NPHP4: variants seen among roughly 807,000 people sequenced by gnomAD.
The protein encoded by NPHP4 is nephrocystin-4.
In NPHP4, 151 loss-of-function variants were observed where a neutral mutation model predicts 155.8. The ratio of observed to expected loss-of-function variants is 0.97; its 90% CI spans 0.85 to 1.11. NPHP4 has a LOEUF of 1.11. Ranked by LOEUF, NPHP4 falls within the 50% of genes least tolerant of loss-of-function variation. The pLI, the probability that NPHP4 is intolerant of heterozygous loss-of-function variation, is 0.00. For synonymous variants in NPHP4, 845 were observed against 816.8 expected (o/e 1.03, Z -0.59); for missense variants, 1,956 against 1,925.7 (o/e 1.02, Z -0.29).
intron 9 of NPHP4, among the ~76,000 whole-genome samples, chr1:5,934,205 C>A (rs956870634): frequency 6.6e-6 from 1 of 152,150 alleles, no homozygotes; most frequent in South Asian, 2.1e-4. Context: ...ATCCTGCAGG[C>A]TCCCCTGGTG....
chr1:5,969,145 T>A lies in NPHP4; in HGVS notation c.394A>T (p.Ile132Phe), dbSNP rs745735818. The part of the protein sequence containing the change: ...SLQTLSCGFG[I>F]LRIFSNQPDS... ...GGCTGGTTGCTGAAGATCCGAAGAA[T>A]TCCAAACCCACAGGACAATGTCTGG... Residue 132 changes from isoleucine (I) to phenylalanine (F), a missense_variant, in exon 4 of 30, where the codon ATT becomes TTT. Ile to Phe is a conservative substitution (Grantham distance 21). Coordinates refer to ENST00000378156, the MANE Select transcript of NPHP4 (RefSeq NM_015102.5). The A allele has an allele frequency of 2.0e-5, 31 of 1,553,118 alleles. No homozygotes were observed. The highest frequency in any genetic ancestry group is 2.6e-5 in the Non-Finnish European group (30 of 1,147,710).
chr1:5,915,598 AG>A (rs1348915224), intron 11 of NPHP4, among the ~76,000 whole-genome samples: 1 of 152,146 alleles, frequency 6.6e-6, no homozygotes, highest in Non-Finnish European at 1.5e-5. Context: ...TCCAGATCCC[AG>A]GCAGCCCAGG....
At chr1:5,909,083 G>T in intron 12 of NPHP4, 69 bp downstream of exon 12, 2 of 1,282,846 alleles carry the variant, frequency 1.6e-6, no homozygotes, top group East Asian at 2.5e-5. Flanking sequence ...CTTAAGGGGG[G>T]ACAGAGGGTT....
intron 19 of NPHP4, among the ~76,000 whole-genome samples, chr1:5,878,591 A>AGG (rs950034094): frequency 4.6e-5 from 7 of 152,254 alleles, no homozygotes; most frequent in African/African-American, 1.4e-4. Flanking sequence ...ATTTCGTGCA[A>AGG]CTTGCTAATT....
intron 9 of NPHP4, among the ~76,000 whole-genome samples, chr1:5,937,687 G>A (rs1646617432): frequency 6.6e-6 from 1 of 152,238 alleles, no homozygotes; most frequent in South Asian, 2.1e-4. Context: ...TCCAGATAGA[G>A]AGCTGGGCCC....
At chr1:5,967,187 T>G (rs1372257388) in intron 5 of NPHP4, 112 bp downstream of exon 5, 16 of 826,310 alleles carry the variant, frequency 1.9e-5, no homozygotes, top group Non-Finnish European at 3.1e-5. Context: ...ATAAATTAGC[T>G]AAGCAGATAG....
intron 5 of NPHP4, among the ~76,000 whole-genome samples, chr1:5,962,848 G>A (rs1650608963): frequency 6.6e-6 from 1 of 152,210 alleles, no homozygotes; most frequent in African/African-American, 2.4e-5. Context: ...GGAGTGCGGG[G>A]AGAGGCACAC....
intron 11 of NPHP4, among the ~76,000 whole-genome samples, chr1:5,918,209 C>T (rs1645569538): frequency 6.6e-6 from 1 of 152,124 alleles, no homozygotes; most frequent in Non-Finnish European, 1.5e-5. Flanking sequence ...ATGGACAAGA[C>T]CCTTAGGCAG....
At position 5,874,972 on chromosome 1, in the gene NPHP4, G is replaced by A. The variant is rs766172633; in HGVS notation, c.2946C>T (p.His982=). The A allele has an allele frequency of 2.9e-5, 47 of 1,612,888 alleles. No homozygotes were observed. Among genetic ancestry groups the A allele is most frequent in the Non-Finnish European group, 3.6e-5 (43 of 1,179,862 alleles). ...SLAITTEHTL[H]ATLGVAEFFE... Reference sequence around the variant, plus strand: ...AGAACTCGGCGACCCCCAGCGTGGCGTGGAGCGTGTGCTCCGTGGTGATGG... The same window carrying A: ...AGAACTCGGCGACCCCCAGCGTGGCATGGAGCGTGTGCTCCGTGGTGATGG... Residue 982 remains histidine, a synonymous_variant, in exon 21 of 30, where the codon CAC becomes CAT. Transcript: ENST00000378156.
chr1:5,927,682 G>A lies in NPHP4; in HGVS notation c.1408C>T (p.Arg470Trp), dbSNP rs367686843. The change falls in exon 11 of 30, where the codon CGG (arginine) becomes TGG (tryptophan). Residue 470 changes from arginine to tryptophan, a missense_variant. Arg to Trp is a moderately radical substitution (Grantham distance 101). Transcript: ENST00000378156. Reference sequence around the variant, plus strand: ...GACGTGGGTGGTTTCCTGGAAGGCCGCCGCTCCACTTTGGGGCCACTGACA... The same window carrying A: ...GACGTGGGTGGTTTCCTGGAAGGCCACCGCTCCACTTTGGGGCCACTGACA... ...EPVSGPKVERRPSRKPPTSPS... is the reference protein window; with the variant it reads ...EPVSGPKVERWPSRKPPTSPS... The A allele has an allele frequency of 7.3e-5, 118 of 1,612,416 alleles. No individual in the cohort carries two copies. In the East Asian group the frequency reaches 1.1e-3, roughly 15 times the overall value.
intron 16 of NPHP4, among the ~76,000 whole-genome samples, chr1:5,899,516 G>A (rs1644566517): frequency 1.3e-5 from 2 of 152,226 alleles, no homozygotes; most frequent in African/African-American, 4.8e-5. Flanking sequence ...TGCGGTGAGG[G>A]AGGCCTCTGC....
At chr1:5,936,684 G>A (rs1433894050) in intron 9 of NPHP4, among the ~76,000 whole-genome samples, 1 of 152,232 alleles carries the variant, frequency 6.6e-6, no homozygotes, top group African/African-American at 2.4e-5. Context: ...TTGTGGAACA[G>A]AAGTGCCACA....
intron 19 of NPHP4, 101 bp downstream of exon 19, chr1:5,880,013 A>T: frequency 1.5e-6 from 2 of 1,348,726 alleles, no homozygotes; most frequent in Admixed American, 1.9e-5. Context: ...GCACACACAC[A>T]CACATGCACA....
chr1:5,939,441 C>A (rs1276058188), intron 9 of NPHP4, among the ~76,000 whole-genome samples: 1 of 151,928 alleles, frequency 6.6e-6, no homozygotes, highest in Non-Finnish European at 1.5e-5. Context: ...TGGGCCCCAG[C>A]GGCTGGCATG....
At chr1:5,953,524 G>A (rs1159807482) in intron 6 of NPHP4, among the ~76,000 whole-genome samples, 5 of 152,294 alleles carry the variant, frequency 3.3e-5, no homozygotes, top group Admixed American at 2.0e-4. Flanking sequence ...GCAGGAACAC[G>A]GCCAGCCACG....
intron 6 of NPHP4, among the ~76,000 whole-genome samples, chr1:5,958,204 C>A (rs183838044): frequency 6.6e-5 from 10 of 152,216 alleles, no homozygotes; most frequent in Non-Finnish European, 1.5e-4. Flanking sequence ...ATAAAAGGGG[C>A]AAACAACTGA....
intron 5 of NPHP4, among the ~76,000 whole-genome samples, chr1:5,966,987 C>T (rs543351488): frequency 3.5e-4 from 53 of 152,338 alleles, no homozygotes; most frequent in Non-Finnish European, 6.8e-4. Flanking sequence ...TTGAGACAGC[C>T]GGTGGCTGGT....
Position 5,864,536 on chromosome 1 carries a change from C to A in NPHP4, c.3817-19G>T. Reference sequence around the variant, plus strand: ...GGTCTGTCTTCAAGAGCGAGAGAGGCGGGTCAGAGCACAGCCTCTCAGGAT... The same window carrying A: ...GGTCTGTCTTCAAGAGCGAGAGAGGAGGGTCAGAGCACAGCCTCTCAGGAT... On this transcript the variant is annotated intron_variant, in intron 27 of 29. Coordinates refer to ENST00000378156, the MANE Select transcript of NPHP4 (RefSeq NM_015102.5). 5 of 1,508,092 alleles carry A rather than the reference C, an allele frequency of 3.3e-6. No individual in the cohort carries two copies. Among genetic ancestry groups the A allele is most frequent in the Non-Finnish European group, 4.5e-6 (5 of 1,122,574 alleles). 93.4% of individuals were successfully genotyped at this position (1,508,092 alleles called of 1,614,324 possible).
At chr1:5,934,928 A>G (rs1164000791) in intron 9 of NPHP4, among the ~76,000 whole-genome samples, 1 of 152,172 alleles carries the variant, frequency 6.6e-6, no homozygotes, top group Non-Finnish European at 1.5e-5. Flanking sequence ...TTGGCTGGAC[A>G]TGCCAGTGGG....
Sources: gnomAD v4.1 joint callset for allele counts (sites outside exome capture counted in the v4.1 genomes callset) on GRCh38, gnomAD v4.1.1 for gene constraint, MANE v1.5 for transcripts, NCBI Gene and HGNC (gene_info 2026-07-23, HGNC 2026-07-21) for gene names.